The following AK7 variants were observed in gnomAD, a reference collection of about 807,000 sequenced individuals.
AK7 encodes the protein ATP-AMP transphosphorylase 7.
In AK7, 78 loss-of-function variants were observed where a neutral mutation model predicts 96.6. That is an observed-to-expected ratio of 0.81 (90% CI 0.67 to 0.97). The LOEUF (loss-of-function observed/expected upper bound fraction) is 0.97. Ranked by LOEUF, AK7 falls within the 50% of genes least tolerant of loss-of-function variation. The pLI is 0.00. For synonymous variants in AK7, 302 were observed against 317.2 expected (o/e 0.95, Z 0.51); for missense variants, 855 against 887.9 (o/e 0.96, Z 0.47).
intron 17 of AK7, 153 bp from the exon 18 acceptor site, chr14:96,488,152 A>G: frequency 1.7e-6 from 1 of 575,086 alleles, no homozygotes; most frequent in Non-Finnish European, 3.1e-6. Context: ...ACCTCAAGTG[A>G]TCCACCCGCC....
At chr14:96,394,818 A>G (rs186028500) in intron 1 of AK7, among the ~76,000 whole-genome samples, 52 of 152,330 alleles carry the variant, frequency 3.4e-4, no homozygotes, top group African/African-American at 1.2e-3. Flanking sequence ...TCTACTAAAA[A>G]TACAAAAATT....
intron 16 of AK7, among the ~76,000 whole-genome samples, chr14:96,486,368 C>T (rs1895771232): frequency 6.6e-6 from 1 of 152,120 alleles, no homozygotes; most frequent in African/African-American, 2.4e-5. Flanking sequence ...TATTATTAGT[C>T]ATGTATTTGT....
chr14:96,440,411 A>G (rs1283973937), intron 6 of AK7, among the ~76,000 whole-genome samples: 1 of 152,040 alleles, frequency 6.6e-6, no homozygotes, highest in African/African-American at 2.4e-5. Flanking sequence ...TCGGCCCTAG[A>G]CCTTTTTTCT....
chr14:96,408,455 A>G (rs966460869), intron 3 of AK7, among the ~76,000 whole-genome samples: 6 of 152,216 alleles, frequency 3.9e-5, no homozygotes, highest in African/African-American at 1.2e-4. Flanking sequence ...TTGTTCTAAT[A>G]AGGATCCTAT....
intron 15 of AK7, 99 bp from the exon 16 acceptor site, chr14:96,482,900 A>G (rs1408262115): frequency 1.3e-5 from 15 of 1,176,862 alleles, no homozygotes; most frequent in South Asian, 2.8e-5. Flanking sequence ...GGTAATTTAC[A>G]TAATTGACTA....
At chr14:96,485,998 G>T (rs1036593610) in intron 16 of AK7, among the ~76,000 whole-genome samples, 1 of 151,838 alleles carries the variant, frequency 6.6e-6, no homozygotes, top group Non-Finnish European at 1.5e-5. Flanking sequence ...GGGTTTCACC[G>T]TGGTCTCGAT....
In AK7 at chr14:96,463,719, CAAAAAAAA is replaced by C. The variant is rs35376666; in HGVS notation, c.1357+5519_1357+5526del. 6.0e-5 allele frequency among the ~76,000 whole-genome samples: 5 copies of C among 83,756 alleles called. 1 individual carries two copies. The highest frequency in any genetic ancestry group is 8.3e-4 in the South Asian group (2 of 2,400). 54.9% of individuals were successfully genotyped at this position (83,756 alleles called of 152,430 possible). On this transcript the variant is annotated intron_variant, in intron 12 of 17. Transcript: ENST00000267584. ...TGGGCGACAGAGCAATACTCTGTCT[CAAAAAAAA>C]AAAAAAAAAAAGGAAAAAAAGAGAG... is the stretch of plus-strand genomic sequence containing the variant.
chr14:96,484,036 C>A (rs980254379), intron 16 of AK7, among the ~76,000 whole-genome samples: 4 of 152,010 alleles, frequency 2.6e-5, no homozygotes, highest in African/African-American at 4.8e-5. Flanking sequence ...TCAAGACCAG[C>A]CTGGGCAACA....
At chr14:96,469,554 A>C (rs1174980960) in intron 12 of AK7, among the ~76,000 whole-genome samples, 1 of 152,180 alleles carries the variant, frequency 6.6e-6, no homozygotes, top group East Asian at 1.9e-4. Flanking sequence ...GACGGCTTAA[A>C]TAAAACCAGA....
chr14:96,470,298 T>C (rs1417002376), intron 12 of AK7, among the ~76,000 whole-genome samples: 7 of 151,488 alleles, frequency 4.6e-5, no homozygotes, highest in Non-Finnish European at 1.0e-4. Flanking sequence ...ACTGATAAGG[T>C]AAAAGAATAA....
At chr14:96,396,062 G>A (rs1218395737) in intron 1 of AK7, among the ~76,000 whole-genome samples, 1 of 151,888 alleles carries the variant, frequency 6.6e-6, no homozygotes, top group Admixed American at 6.6e-5. Flanking sequence ...TGCCTGCCTT[G>A]GCCTCCCAAA....
intron 17 of AK7, among the ~76,000 whole-genome samples, 188 bp downstream of exon 17, chr14:96,487,244 G>C (rs1027462474): frequency 6.7e-6 from 1 of 149,940 alleles, no homozygotes; most frequent in Non-Finnish European, 1.5e-5. Context: ...AATTAGCTGG[G>C]TGTGGTGGCA....
At chr14:96,409,719 T>G (rs559019690) in intron 4 of AK7, among the ~76,000 whole-genome samples, 2 of 152,364 alleles carry the variant, frequency 1.3e-5, no homozygotes, top group East Asian at 3.9e-4. Flanking sequence ...CTGAAGTACG[T>G]GGTTATTACG....
chr14:96,421,848 G>A (rs139836317), intron 5 of AK7, among the ~76,000 whole-genome samples: 154 of 152,156 alleles, frequency 1.0e-3, no homozygotes, highest in African/African-American at 3.4e-3. Context: ...CTCGTGATCC[G>A]CCCGCCTGGA....
intron 11 of AK7, 58 bp downstream of exon 11, chr14:96,456,533 G>T (rs953796278): frequency 3.6e-5 from 56 of 1,561,510 alleles, no homozygotes; most frequent in Non-Finnish European, 2.7e-5. Flanking sequence ...TGTTCTTAGG[G>T]TATAAAGATG....
intron 2 of AK7, among the ~76,000 whole-genome samples, chr14:96,401,273 C>T (rs979845293): frequency 6.6e-6 from 1 of 152,150 alleles, no homozygotes; most frequent in East Asian, 1.9e-4. Context: ...GAAAGGGGCA[C>T]CTAAGGAATT....
chr14:96,418,530 GT>G (rs1891489122), intron 4 of AK7, among the ~76,000 whole-genome samples: 1 of 146,984 alleles, frequency 6.8e-6, no homozygotes, highest in East Asian at 2.1e-4. Flanking sequence ...TTTTGTTTTT[GT>G]TTTTTGAAAA....
At chr14:96,429,198 G>T (rs1423623582) in intron 5 of AK7, among the ~76,000 whole-genome samples, 1 of 152,150 alleles carries the variant, frequency 6.6e-6, no homozygotes, top group Non-Finnish European at 1.5e-5. Context: ...AGTTTTCCCA[G>T]CACTGTTTAT....
At chr14:96,474,739 A>G (rs942873896) in intron 14 of AK7, among the ~76,000 whole-genome samples, 6 of 152,260 alleles carry the variant, frequency 3.9e-5, no homozygotes, top group African/African-American at 1.4e-4. Context: ...ACTTCTAGGC[A>G]ATATTCACTC....
Sources: allele counts gnomAD v4.1 joint callset (sites outside exome capture counted in the v4.1 genomes callset), GRCh38; gene constraint gnomAD v4.1.1; transcripts MANE v1.5; gene names NCBI Gene and HGNC (gene_info 2026-07-23, HGNC 2026-07-21).